The following TRADD variants were observed in gnomAD, a reference collection of about 807,000 sequenced individuals.
TRADD encodes TNFRSF1A associated via death domain.
Under a neutral mutation model 31.5 loss-of-function variants are expected in TRADD, and 14 were observed. The observed-to-expected ratio is 0.44, with a 90% CI of 0.29 to 0.69. The LOEUF is 0.69. Among genes scored for constraint, TRADD ranks in the 30% least tolerant of loss-of-function variants. TRADD has a pLI of 0.11. For missense variants in TRADD, 388 were observed against 435.7 expected, an observed-to-expected ratio of 0.89 and a Z score of 0.97; for synonymous variants, 220 against 215.8, an observed-to-expected ratio of 1.02 and a Z score of -0.17.
Position 67,154,843 on chromosome 16 carries a change from G to A in TRADD, c.745C>T (p.Leu249=), listed in dbSNP as rs1346645141. 3.1e-6 allele frequency: 5 copies of A among 1,591,616 alleles called. No homozygotes were observed. The South Asian group carries it at 3.4e-5, about 11-fold the overall frequency. ...RGCRALRDPA[L]DSLAYEYERE... is the part of the protein sequence containing the mutation. ...TCGTACTCGTAGGCCAGCGAGTCCA[G>A]CGCCGGGTCCCGCAGCGCCCGGCAG... is the stretch of plus-strand genomic sequence containing the variant. Residue 249 remains leucine (L), a synonymous_variant, in exon 5 of 5, where the codon CTG becomes TTG. Coordinates refer to ENST00000345057, the MANE Select transcript of TRADD (RefSeq NM_003789.4). This position sits in a 1 kb window ranked among gnomAD's most constrained non-coding sequence, Gnocchi z 5.2.
In TRADD at chr16:67,159,322, C is replaced by G. The variant is rs890520191; in HGVS notation, c.-9+516G>C. ...CCAGGGACGAGCCACGCACGGTGCC[C>G]CCTGAACACCTAACAGTCCCGGGGG... On this transcript the variant is annotated intron_variant, in intron 1 of 4. Transcript: ENST00000345057. The surrounding 1 kb of genome is among the most constrained non-coding windows in gnomAD (Gnocchi z 6.8). 3.3e-5 allele frequency among the ~76,000 whole-genome samples: 5 copies of G among 152,198 alleles called. No individual in the cohort carries two copies. Among genetic ancestry groups the G allele is most frequent in the African/African-American group, 1.2e-4 (5 of 41,452 alleles).
In TRADD at chr16:67,155,743, C is replaced by T. The variant is rs2030669376; in HGVS notation, c.152-89G>A. 4 of 1,478,546 alleles carry T rather than the reference C, an allele frequency of 2.7e-6. No homozygotes were observed. In the Admixed American group the frequency reaches 7.4e-5, roughly 27 times the overall value. 91.6% of individuals were successfully genotyped at this position (1,478,546 alleles called of 1,614,324 possible). ...AGGAGGGGCGAAGCCCGTGGTGAAG[C>T]CCCGCGTCCCATCCCCTGACCTAGG... On this transcript the variant is annotated intron_variant, in intron 2 of 4. Transcript: ENST00000345057.
At position 67,154,366 on chromosome 16, in the gene TRADD, G is replaced by C. The variant is rs2030570857; in HGVS notation, c.*283C>G. ...AGGTGCTTCATGAGTGAAACTGTAA[G>C]GGCTGGCTGTAAGCCCCGCTTCTGG... is the stretch of plus-strand genomic sequence containing the variant. On this transcript the variant is annotated 3_prime_UTR_variant, in exon 5 of 5. Transcript: ENST00000345057. This position sits in a 1 kb window ranked among gnomAD's most constrained non-coding sequence, Gnocchi z 5.2. 3.6e-6 allele frequency: 2 copies of C among 557,382 alleles called. No individual in the cohort carries two copies. Among genetic ancestry groups the C allele is most frequent in the Admixed American group, 6.3e-5 (2 of 31,994 alleles). 34.5% of individuals were successfully genotyped at this position (557,382 alleles called of 1,614,324 possible).
Position 67,155,583 on chromosome 16 carries a change from G to A in TRADD, c.223C>T (p.Leu75=), listed in dbSNP as rs11574518. Residue 75 remains leucine, a synonymous_variant, in exon 3 of 5, where the codon CTG becomes TTG. Coordinates refer to ENST00000345057, the MANE Select transcript of TRADD (RefSeq NM_003789.4). The part of the protein sequence containing the change: ...HRSDPQLIVQ[L]RFCGRQPCGR... ...CAGGGCTGCCGCCCGCAGAATCGCAGCTGCACGATCAGCTGCGGGTCGCTG... is the reference window on the plus strand; with the variant it reads ...CAGGGCTGCCGCCCGCAGAATCGCAACTGCACGATCAGCTGCGGGTCGCTG... The A allele has an allele frequency of 1.4e-3, 2,241 of 1,545,826 alleles. 38 individuals are homozygous for A. In the South Asian group the frequency reaches 0.019, roughly 13 times the overall value.
chr16:67,156,286 C>A lies in TRADD; in HGVS notation c.151+224G>T. 1 of 1,170,870 alleles carries A rather than the reference C, an allele frequency of 8.5e-7. No individual in the cohort carries two copies. The highest frequency in any genetic ancestry group is 1.2e-6 in the Non-Finnish European group (1 of 835,788). 72.5% of individuals were successfully genotyped at this position (1,170,870 alleles called of 1,614,324 possible). A position where few individuals can be genotyped will look rare whatever the true frequency, so the allele number is the denominator to read the frequency against. On this transcript the variant is annotated intron_variant, in intron 2 of 4. Transcript: ENST00000345057. This position sits in a 1 kb window ranked among gnomAD's most constrained non-coding sequence, Gnocchi z 4.6. ...CTGGTGGAGGGGGGCGGGGATGGAGCAAAGGACGTTAGTGCACAAATTGGT... is the reference window on the plus strand; with the variant it reads ...CTGGTGGAGGGGGGCGGGGATGGAGAAAAGGACGTTAGTGCACAAATTGGT...
Position 67,154,355 on chromosome 16 carries a change from T to C in TRADD, c.*294A>G. The C allele has an allele frequency of 1.9e-6, 1 of 540,322 alleles. No homozygotes were observed. The highest frequency in any genetic ancestry group is 3.2e-5 in the East Asian group (1 of 31,216). 33.5% of individuals were successfully genotyped at this position (540,322 alleles called of 1,614,324 possible). On this transcript the variant is annotated 3_prime_UTR_variant, in exon 5 of 5. Coordinates refer to ENST00000345057, the MANE Select transcript of TRADD (RefSeq NM_003789.4). This position sits in a 1 kb window ranked among gnomAD's most constrained non-coding sequence, Gnocchi z 5.2. ...ACCAAAGATCAAGGTGCTTCATGAG[T>C]GAAACTGTAAGGGCTGGCTGTAAGC...
At chr16:67,155,908 A>G (rs1234281867) in intron 2 of TRADD, 2 of 1,514,188 alleles carry the variant, frequency 1.3e-6, no homozygotes, top group Non-Finnish European at 1.8e-6. Context: ...TCACGCCCCA[A>G]ATGAGGGTTG....
Position 67,159,433 on chromosome 16 carries a change from G to C in TRADD, c.-9+405C>G, listed in dbSNP as rs565823555. Among the ~76,000 whole-genome samples the C allele has an allele frequency of 6.6e-4, 101 of 152,326 alleles. No individual in the cohort carries two copies. The highest frequency in any genetic ancestry group is 1.0e-3 in the Non-Finnish European group (70 of 68,032). ...CCTGTGACTCCTTGCGACCCGCCGG[G>C]CACACCCCCTACTCAGCTACGCAGC... On this transcript the variant is annotated intron_variant, in intron 1 of 4. Coordinates refer to ENST00000345057, the MANE Select transcript of TRADD (RefSeq NM_003789.4). This position sits in a 1 kb window ranked among gnomAD's most constrained non-coding sequence, Gnocchi z 6.8.
At position 67,156,033 on chromosome 16, in the gene TRADD, C is replaced by T. The variant is rs1024546582; in HGVS notation, c.152-379G>A. The T allele has an allele frequency of 2.8e-5, 39 of 1,369,482 alleles. 1 individual carries two copies. The highest frequency in any genetic ancestry group is 6.6e-5 in the Admixed American group (3 of 45,798). The allele number at this position is 1,369,482 out of a possible 1,614,324, so 84.8% of individuals were successfully genotyped here. On this transcript the variant is annotated intron_variant, in intron 2 of 4. Transcript: ENST00000345057. The surrounding 1 kb of genome is among the most constrained non-coding windows in gnomAD (Gnocchi z 4.6). ...GGGCGAGAGGTCTCAGGTCTTCGGC[C>T]TCCACCAAGCGCGACTCCCACTGCT... is the stretch of plus-strand genomic sequence containing the variant.
rs2030695866 is a variant in TRADD, at chr16:67,156,318, T to C, written c.151+192A>G. The C allele has an allele frequency of 1.7e-6, 2 of 1,151,334 alleles. No individual in the cohort carries two copies. The highest frequency in any genetic ancestry group is 1.2e-6 in the Non-Finnish European group (1 of 815,568). The allele number at this position is 1,151,334 out of a possible 1,614,324, so 71.3% of individuals were successfully genotyped here. On this transcript the variant is annotated intron_variant, in intron 2 of 4. Coordinates refer to ENST00000345057, the MANE Select transcript of TRADD (RefSeq NM_003789.4). This position sits in a 1 kb window ranked among gnomAD's most constrained non-coding sequence, Gnocchi z 4.6. ...CGTTAGTGCACAAATTGGTAAATCA[T>C]ACACAGACTCGAGAACACACGCCTA...
Position 67,159,302 on chromosome 16 carries a change from G to A in TRADD, c.-9+536C>T, listed in dbSNP as rs1273406316. Among the ~76,000 whole-genome samples, 1 of 152,248 alleles carries A rather than the reference G, an allele frequency of 6.6e-6. No individual in the cohort carries two copies. Among genetic ancestry groups the A allele is most frequent in the Non-Finnish European group, 1.5e-5 (1 of 68,038 alleles). Reference sequence around the variant, plus strand: ...AACAACTTCTGCGCCTGTTTCCAGGGACGAGCCACGCACGGTGCCCCCTGA... The same window carrying A: ...AACAACTTCTGCGCCTGTTTCCAGGAACGAGCCACGCACGGTGCCCCCTGA... On this transcript the variant is annotated intron_variant, in intron 1 of 4. Coordinates refer to ENST00000345057, the MANE Select transcript of TRADD (RefSeq NM_003789.4). This position sits in a 1 kb window ranked among gnomAD's most constrained non-coding sequence, Gnocchi z 6.8.
In TRADD at chr16:67,156,702, C is replaced by G; in HGVS notation, c.-8-34G>C. The G allele has an allele frequency of 1.2e-6, 2 of 1,611,416 alleles. No homozygotes were observed. Among genetic ancestry groups the G allele is most frequent in the Non-Finnish European group, 1.7e-6 (2 of 1,179,906 alleles). On this transcript the variant is annotated intron_variant, in intron 1 of 4. Coordinates refer to ENST00000345057, the MANE Select transcript of TRADD (RefSeq NM_003789.4). This position sits in a 1 kb window ranked among gnomAD's most constrained non-coding sequence, Gnocchi z 4.6. The stretch of plus-strand genomic sequence containing the variant: ...GCAGACAGTCAGGTATCCAGTTCAT[C>G]CCCCCTCCCTCCACCCTGGAGACAA...
Position 67,155,240 on chromosome 16 carries a change from G to C in TRADD, c.484C>G (p.Leu162Val). The change falls in exon 4 of 5, where the codon CTG becomes GTG. Residue 162 changes from leucine (L) to valine (V), a missense_variant. Transcript: ENST00000345057. The part of the protein sequence containing the change: ...LAELEDALRN[L>V]KCGSGARGGD... ...CCCCGGGCCCCCGAGCCGCACTTCA[G>C]ATTTCGCAGCGCATCCTCCAGCTCA... The C allele has an allele frequency of 6.2e-7, 1 of 1,607,592 alleles. No individual in the cohort carries two copies. Among genetic ancestry groups the C allele is most frequent in the South Asian group, 1.1e-5 (1 of 90,142 alleles).
chr16:67,155,440 G>A lies in TRADD; in HGVS notation c.366C>T (p.Ala122=). Residue 122 remains alanine, a synonymous_variant, in exon 3 of 5, where the codon GCC becomes GCT. Transcript: ENST00000345057. The part of the protein sequence containing the change: ...VPLQLELRAG[A]ERLDALLADE... ...CCGCCAGCAAAGCGTCCAGCCGCTC[G>A]GCGCCGGCGCGCAGCTCCAGTTGCA... is the stretch of plus-strand genomic sequence containing the variant. The A allele has an allele frequency of 6.3e-7, 1 of 1,595,846 alleles. No individual in the cohort carries two copies. The highest frequency in any genetic ancestry group is 1.7e-4 in the Middle Eastern group (1 of 6,042).
intron 1 of TRADD, among the ~76,000 whole-genome samples, chr16:67,158,506 C>G (rs763078464): frequency 5.3e-5 from 8 of 151,638 alleles, no homozygotes; most frequent in Admixed American, 4.6e-4. Context: ...TGTGTACTTA[C>G]GCCAAACCAC....
Position 67,155,389 on chromosome 16 carries a change from G to T in TRADD, c.417C>A (p.Ile139=). ...LADEERCLSC[I]LAQQPDRLRD... The stretch of plus-strand genomic sequence containing the variant: ...AGCCCGGCCGCACCTGCTGGGCTAG[G>T]ATGCAACTCAAACAGCGCTCCTCGT... Residue 139 remains isoleucine (I), a synonymous_variant, in exon 3 of 5, where the codon ATC becomes ATA. Transcript: ENST00000345057. 6.3e-7 allele frequency: 1 copy of T among 1,599,836 alleles called. No homozygotes were observed. Among genetic ancestry groups the T allele is most frequent in the Non-Finnish European group, 8.5e-7 (1 of 1,179,758 alleles).
Position 67,155,569 on chromosome 16 carries a change from C to A in TRADD, c.237G>T (p.Gly79=). Residue 79 remains glycine, a synonymous_variant, in exon 3 of 5, where the codon GGG becomes GGT. Transcript: ENST00000345057. ...GGAGGAAGCGGCCACAGGGCTGCCG[C>A]CCGCAGAATCGCAGCTGCACGATCA... ...PQLIVQLRFC[G]RQPCGRFLRA... 1 of 1,532,484 alleles carries A rather than the reference C, an allele frequency of 6.5e-7. No individual in the cohort carries two copies. Among genetic ancestry groups the A allele is most frequent in the Non-Finnish European group, 8.7e-7 (1 of 1,147,130 alleles). 94.9% of individuals were successfully genotyped at this position (1,532,484 alleles called of 1,614,324 possible).
rs1003165103 is a variant in TRADD at position 67,155,187 on chromosome 16, G to A, written c.537C>T (p.Pro179=). ...RGGDGEVASA[P]LQPPVPSLSE... is the part of the protein sequence containing the mutation. ...ACAGAGAGGGCACCGGGGGCTGCAA[G>A]GGGGCCGAAGCGACCTCCCCGTCGC... The change falls in exon 4 of 5, where the codon CCC becomes CCT. Residue 179 remains proline, a synonymous_variant. Transcript: ENST00000345057. 9 of 1,573,542 alleles carry A rather than the reference G, an allele frequency of 5.7e-6. No individual in the cohort carries two copies. The East Asian group carries it at 7.1e-5, about 12-fold the overall frequency.
intron 1 of TRADD, among the ~76,000 whole-genome samples, chr16:67,157,874 A>T (rs2030755398): frequency 6.6e-6 from 1 of 152,214 alleles, no homozygotes; most frequent in Non-Finnish European, 1.5e-5. Context: ...TGAGACAGCA[A>T]GTAGAAAACT....
Sources: allele counts gnomAD v4.1 joint callset (sites outside exome capture counted in the v4.1 genomes callset), GRCh38; gene constraint gnomAD v4.1.1; non-coding constraint Gnocchi (gnomAD v3.1); transcripts MANE v1.5; gene names NCBI Gene and HGNC (gene_info 2026-07-23, HGNC 2026-07-21).